ASXL2: variants seen among roughly 807,000 people sequenced by gnomAD.
ASXL2 encodes the protein ASXL transcriptional regulator 2, also known as putative Polycomb group protein ASXL2.
Under a neutral mutation model 122.0 loss-of-function variants are expected in ASXL2, and 23 were observed. The ratio of observed to expected loss-of-function variants is 0.19; its 90% CI spans 0.14 to 0.27. The LOEUF is 0.27. ASXL2 is among the 10% of genes least tolerant of loss of function. The pLI is 1.00. For synonymous variants in ASXL2, 650 were observed against 637.0 expected (o/e 1.02, Z -0.31); for missense variants, 1,518 against 1,713.8 (o/e 0.89, Z 2.02).
intron 5 of ASXL2, among the ~76,000 whole-genome samples, chr2:25,787,151 T>C (rs553380449): frequency 6.6e-6 from 1 of 152,350 alleles, no homozygotes; most frequent in South Asian, 2.1e-4. Flanking sequence ...CCGAGTGCTG[T>C]TGTGTATACA....
intron 1 of ASXL2, among the ~76,000 whole-genome samples, chr2:25,869,962 C>T (rs987598091): frequency 6.6e-5 from 10 of 150,752 alleles, no homozygotes; most frequent in African/African-American, 1.2e-4. Flanking sequence ...ATTAGCCTGG[C>T]GTGGTGATGC....
intron 1 of ASXL2, among the ~76,000 whole-genome samples, chr2:25,868,938 G>A (rs2089932006): frequency 6.6e-6 from 1 of 152,068 alleles, no homozygotes. Context: ...GCTGAGGTGG[G>A]TGGATCACCT....
chr2:25,872,292 G>A (rs773938242), intron 1 of ASXL2, among the ~76,000 whole-genome samples: 2 of 152,102 alleles, frequency 1.3e-5, no homozygotes, highest in Non-Finnish European at 2.9e-5. Context: ...TGAGGCAAGA[G>A]GATCCCTTGA....
intron 5 of ASXL2, among the ~76,000 whole-genome samples, chr2:25,789,494 T>C (rs1314516984): frequency 6.6e-6 from 1 of 152,136 alleles, no homozygotes; most frequent in East Asian, 1.9e-4. Context: ...GGAGAGATAC[T>C]AGGGCAATAT....
chr2:25,821,340 G>A (rs1206387387), intron 3 of ASXL2, among the ~76,000 whole-genome samples: 3 of 149,298 alleles, frequency 2.0e-5, no homozygotes, highest in Non-Finnish European at 4.4e-5. Flanking sequence ...CTGGGTGACA[G>A]AGCAAGACCC....
At position 25,742,810 on chromosome 2, in the gene ASXL2, C is replaced by T. The variant is rs745874693; in HGVS notation, c.3527G>A (p.Ser1176Asn). The T allele has an allele frequency of 4.3e-6, 7 of 1,613,900 alleles. No individual in the cohort carries two copies. Among genetic ancestry groups the T allele is most frequent in the East Asian group, 2.2e-5 (1 of 44,894 alleles). ...CKNATGESSS[S>N]KEDDTDEEST... ...TTCCTCATCAGTGTCATCTTCTTTG[C>T]TGCTGCTACTCTCTCCTGTTGCATT... is the stretch of plus-strand genomic sequence containing the variant. The change falls in exon 13 of 13, where the codon AGC becomes AAC. Residue 1176 changes from serine to asparagine, a missense_variant. By Grantham distance (46) the Ser-to-Asn change is conservative. This residue lies in a region of ASXL2 where 831 missense variants were observed against 833.1 expected (regional missense o/e 1.00). Transcript: ENST00000435504.
intron 1 of ASXL2, among the ~76,000 whole-genome samples, chr2:25,865,486 G>C (rs2089891863): frequency 6.6e-6 from 1 of 150,638 alleles, no homozygotes; most frequent in South Asian, 2.1e-4. Flanking sequence ...TCCAAATATA[G>C]GCTGGGCGTG....
At chr2:25,870,365 A>T (rs2089953809) in intron 1 of ASXL2, among the ~76,000 whole-genome samples, 1 of 152,126 alleles carries the variant, frequency 6.6e-6, no homozygotes, top group Non-Finnish European at 1.5e-5. Flanking sequence ...TCTACTAAAA[A>T]TACAAAAATT....
intron 4 of ASXL2, among the ~76,000 whole-genome samples, chr2:25,801,615 A>G (rs950045640): frequency 1.3e-5 from 2 of 152,200 alleles, no homozygotes; most frequent in African/African-American, 4.8e-5. Context: ...AAATATAAAT[A>G]TAATTATCTT....
At chr2:25,773,042 C>T (rs1013690149) in intron 5 of ASXL2, among the ~76,000 whole-genome samples, 8 of 151,692 alleles carry the variant, frequency 5.3e-5, no homozygotes, top group African/African-American at 1.9e-4. Context: ...AACCCCATCT[C>T]TACTAAAAAT....
chr2:25,845,736 G>A (rs572423033), intron 1 of ASXL2, among the ~76,000 whole-genome samples, 173 bp from the exon 2 acceptor site: 1 of 152,082 alleles, frequency 6.6e-6, no homozygotes, highest in South Asian at 2.1e-4. Flanking sequence ...TTCACTACCT[G>A]TGACCTACTG....
At chr2:25,786,007 A>G (rs1456273162) in intron 5 of ASXL2, among the ~76,000 whole-genome samples, 1 of 152,246 alleles carries the variant, frequency 6.6e-6, no homozygotes, top group East Asian at 1.9e-4. Flanking sequence ...TCTATGATAC[A>G]GATGATTAAT....
At chr2:25,753,866 CAA>C (rs2088087948) in intron 10 of ASXL2, among the ~76,000 whole-genome samples, 1 of 152,168 alleles carries the variant, frequency 6.6e-6, no homozygotes, top group African/African-American at 2.4e-5. Context: ...CTGAGGCTGA[CAA>C]AGCCTTTTCG....
intron 3 of ASXL2, among the ~76,000 whole-genome samples, chr2:25,825,019 T>C (rs1200706062): frequency 6.6e-6 from 1 of 152,198 alleles, no homozygotes; most frequent in African/African-American, 2.4e-5. Flanking sequence ...GCCAAAACTC[T>C]AAAACTTACT....
In ASXL2 at chr2:25,744,741, A is replaced by G. The variant is rs926815381; in HGVS notation, c.1861-265T>C. 9.2e-5 allele frequency among the ~76,000 whole-genome samples: 14 copies of G among 151,522 alleles called. No individual in the cohort carries two copies. Among genetic ancestry groups the G allele is most frequent in the African/African-American group, 2.2e-4 (9 of 41,180 alleles). ...TCCCCACACCTCTTTTCCTATCTCA[A>G]CTCCCTCCTAATGCCACTATTACAA... On this transcript the variant is annotated intron_variant, in intron 12 of 12. Coordinates refer to ENST00000435504, the MANE Select transcript of ASXL2 (RefSeq NM_018263.6). The surrounding 1 kb of genome is among the most constrained non-coding windows in gnomAD (Gnocchi z 4.7).
chr2:25,860,317 T>C (rs1350638283), intron 1 of ASXL2, among the ~76,000 whole-genome samples: 1 of 141,572 alleles, frequency 7.1e-6, no homozygotes, highest in Admixed American at 7.0e-5. Flanking sequence ...GCCTCAAAAA[T>C]AAAAAAAAAT....
chr2:25,802,042 T>G (rs558727328), intron 4 of ASXL2, among the ~76,000 whole-genome samples: 1 of 152,170 alleles, frequency 6.6e-6, no homozygotes, highest in Non-Finnish European at 1.5e-5. Context: ...AAGATTATGG[T>G]CTAATCACTC....
chr2:25,749,939 C>A lies in ASXL2; in HGVS notation c.1617G>T (p.Lys539Asn), dbSNP rs536334368. ...CCTGTGGACCCGCTCCTGCTGTGGGCTTCACTATTGGTTTTTCAACCCCAG... is the reference window on the plus strand; with the variant it reads ...CCTGTGGACCCGCTCCTGCTGTGGGATTCACTATTGGTTTTTCAACCCCAG... ...KSPGVEKPIV[K>N]PTAGAGPQET... Residue 539 changes from lysine to asparagine, a missense_variant, in exon 12 of 13, where the codon AAG (lysine) becomes AAT (asparagine). Lys to Asn is a moderately conservative substitution (Grantham distance 94). Around this residue, in one of 8 missense-constraint regions of ASXL2, gnomAD observed 292 missense variants for 293.5 expected, o/e 1.00. Transcript: ENST00000435504. The A allele has an allele frequency of 1.9e-6, 3 of 1,613,920 alleles. No individual in the cohort carries two copies. Among genetic ancestry groups the A allele is most frequent in the African/African-American group, 1.3e-5 (1 of 75,004 alleles).
At position 25,743,952 on chromosome 2, in the gene ASXL2, T is replaced by C. The variant is rs780797705; in HGVS notation, c.2385A>G (p.Pro795=). The C allele has an allele frequency of 1.4e-5, 22 of 1,613,880 alleles. No individual in the cohort carries two copies. Among genetic ancestry groups the C allele is most frequent in the Admixed American group, 5.0e-5 (3 of 60,008 alleles). The change falls in exon 13 of 13, where the codon CCA becomes CCG. Residue 795 remains proline (P), a synonymous_variant. Coordinates refer to ENST00000435504, the MANE Select transcript of ASXL2 (RefSeq NM_018263.6). ...CATTATCCAATTTCTCTATGTGGGC[T>C]GGTGATGGGACACTTGTGCATGCTC... is the stretch of plus-strand genomic sequence containing the variant. ...VSGACTSVPS[P]AHIEKLDNEK...
Sources: allele counts gnomAD v4.1 joint callset (sites outside exome capture counted in the v4.1 genomes callset), GRCh38; gene constraint gnomAD v4.1.1; regional missense constraint gnomAD v4.1.1; non-coding constraint Gnocchi (gnomAD v3.1); transcripts MANE v1.5; gene names NCBI Gene and HGNC (gene_info 2026-07-23, HGNC 2026-07-21).